The following DSCAML1 variants were observed in gnomAD, a reference collection of about 807,000 sequenced individuals.
DSCAML1 encodes the protein DS cell adhesion molecule like 1, also known as cell adhesion molecule DSCAML1.
In DSCAML1, 38 loss-of-function variants were observed where a neutral mutation model predicts 200.5. The ratio of observed to expected loss-of-function variants is 0.19; its 90% CI spans 0.15 to 0.25. The LOEUF (loss-of-function observed/expected upper bound fraction) is 0.25, where lower values mean the gene tolerates loss of function less well. Among genes scored for constraint, DSCAML1 ranks in the 10% least tolerant of loss-of-function variants. The probability of loss-of-function intolerance (pLI) is 1.00; values close to 1 mark genes in which losing one functional copy is unlikely to be tolerated. For missense variants in DSCAML1, 2,223 were observed against 2,858.8 expected (o/e 0.78, Z 5.07); for synonymous variants, 1,215 against 1,165.0 (o/e 1.04, Z -0.87).
chr11:117,464,842 G>A (rs571427481), intron 17 of DSCAML1, 100 bp downstream of exon 17: 2 of 1,529,170 alleles, frequency 1.3e-6, no homozygotes, highest in African/African-American at 2.8e-5. Flanking sequence ...ACCAAAATGG[G>A]GCCCAGGGGC....
intron 3 of DSCAML1, among the ~76,000 whole-genome samples, chr11:117,745,227 C>CA (rs1555025354): frequency 2.1e-5 from 3 of 143,426 alleles, no homozygotes; most frequent in South Asian, 2.3e-4. Context: ...CTACCTGGGG[C>CA]GGGGGTGGCT....
At chr11:117,527,281 T>A (rs536935427) in intron 4 of DSCAML1, among the ~76,000 whole-genome samples, 1 of 151,616 alleles carries the variant, frequency 6.6e-6, no homozygotes, top group South Asian at 2.1e-4. Flanking sequence ...ATAAAGGGAG[T>A]CTCCCCATCT....
intron 20 of DSCAML1, among the ~76,000 whole-genome samples, chr11:117,449,902 C>G (rs2048252542): frequency 6.6e-6 from 1 of 152,192 alleles, no homozygotes; most frequent in African/African-American, 2.4e-5. Flanking sequence ...CCCATCCTCC[C>G]TTCCCTCTCT....
intron 3 of DSCAML1, among the ~76,000 whole-genome samples, chr11:117,721,390 A>G (rs1042009910): frequency 6.6e-6 from 1 of 152,164 alleles, no homozygotes; most frequent in Non-Finnish European, 1.5e-5. Context: ...GCCAAGGGTA[A>G]TAGTCACCCC....
intron 3 of DSCAML1, among the ~76,000 whole-genome samples, chr11:117,604,268 A>G (rs139110549): frequency 7.2e-5 from 11 of 152,172 alleles, no homozygotes; most frequent in African/African-American, 2.6e-4. Flanking sequence ...GGGGGTAGAG[A>G]GGTGCCATTT....
intron 11 of DSCAML1, among the ~76,000 whole-genome samples, chr11:117,490,396 C>T (rs940987032): frequency 9.9e-5 from 15 of 152,182 alleles, no homozygotes; most frequent in Non-Finnish European, 1.9e-4. Flanking sequence ...TCACTCCCGG[C>T]ATCCACACAC....
intron 3 of DSCAML1, among the ~76,000 whole-genome samples, chr11:117,599,373 T>C (rs772903665): frequency 2.6e-5 from 4 of 152,230 alleles, no homozygotes; most frequent in African/African-American, 4.8e-5. Flanking sequence ...CTCCTAATCA[T>C]AGTTTTCAGT....
chr11:117,764,847 T>C (rs1213900581), intron 3 of DSCAML1, among the ~76,000 whole-genome samples: 1 of 152,184 alleles, frequency 6.6e-6, no homozygotes, highest in Non-Finnish European at 1.5e-5. Flanking sequence ...CACACGCTCT[T>C]AGAAGGGATT....
chr11:117,654,090 G>A (rs545968121), intron 3 of DSCAML1, among the ~76,000 whole-genome samples: 3 of 152,320 alleles, frequency 2.0e-5, no homozygotes, highest in East Asian at 1.9e-4. Context: ...GAAGTCAGAC[G>A]TGGAAGACCA....
At chr11:117,808,155 C>A (rs1055632787) in intron 1 of DSCAML1, among the ~76,000 whole-genome samples, 2 of 152,210 alleles carry the variant, frequency 1.3e-5, no homozygotes, top group African/African-American at 4.8e-5. Flanking sequence ...GAAGATACCA[C>A]AGCAAGACAG....
At chr11:117,487,072 G>A (rs1178278346) in intron 11 of DSCAML1, among the ~76,000 whole-genome samples, 1 of 151,652 alleles carries the variant, frequency 6.6e-6, no homozygotes, top group Non-Finnish European at 1.5e-5. Flanking sequence ...TTACAAGCGC[G>A]TACCACTACG....
At chr11:117,764,765 G>A (rs1172155309) in intron 3 of DSCAML1, among the ~76,000 whole-genome samples, 1 of 152,210 alleles carries the variant, frequency 6.6e-6, no homozygotes, top group Non-Finnish European at 1.5e-5. Context: ...GTAGCAGCAG[G>A]ATCTGGAACA....
chr11:117,804,014 A>G (rs2055686329), intron 1 of DSCAML1, among the ~76,000 whole-genome samples: 1 of 152,182 alleles, frequency 6.6e-6, no homozygotes, highest in Non-Finnish European at 1.5e-5. Flanking sequence ...GTGACTGGCC[A>G]CCAGCATTGT....
intron 3 of DSCAML1, among the ~76,000 whole-genome samples, chr11:117,746,885 C>T (rs2054527291): frequency 6.6e-6 from 1 of 152,220 alleles, no homozygotes; most frequent in Non-Finnish European, 1.5e-5. Flanking sequence ...CCCTGGGAAG[C>T]CTGGGCTCCC....
intron 3 of DSCAML1, among the ~76,000 whole-genome samples, chr11:117,676,462 C>T (rs970559051): frequency 2.6e-5 from 4 of 152,220 alleles, no homozygotes; most frequent in Non-Finnish European, 5.9e-5. Context: ...CTCCTCCAGT[C>T]GCCTTTCCCT....
chr11:117,676,919 G>T (rs1455308768), intron 3 of DSCAML1, among the ~76,000 whole-genome samples: 1 of 152,220 alleles, frequency 6.6e-6, no homozygotes, highest in Admixed American at 6.5e-5. Flanking sequence ...CCACGAGAAG[G>T]CTAAGTGAAG....
At position 117,480,721 on chromosome 11, in the gene DSCAML1, A is replaced by C; in HGVS notation, c.2657-150T>G. 2.4e-6 allele frequency: 2 copies of C among 838,684 alleles called. No individual in the cohort carries two copies. 52.0% of individuals were successfully genotyped at this position (838,684 alleles called of 1,614,324 possible). A position where few individuals can be genotyped will look rare whatever the true frequency, so the allele number is the denominator to read the frequency against. On this transcript the variant is annotated intron_variant, in intron 13 of 32. Coordinates refer to ENST00000651296, the MANE Select transcript of DSCAML1 (RefSeq NM_020693.4). This position sits in a 1 kb window ranked among gnomAD's most constrained non-coding sequence, Gnocchi z 4.1. ...AGGGTGGGGGCTGGAGGAGGCCAGC[A>C]GCCAGGCTTGGAGGCTGAGGAGGCC...
chr11:117,730,972 T>C (rs1404446659), intron 3 of DSCAML1, among the ~76,000 whole-genome samples: 1 of 152,110 alleles, frequency 6.6e-6, no homozygotes, highest in Non-Finnish European at 1.5e-5. Context: ...AGACACAGAT[T>C]AGTGTTTGCC....
chr11:117,536,870 C>T (rs368018393), intron 3 of DSCAML1, among the ~76,000 whole-genome samples: 2 of 152,144 alleles, frequency 1.3e-5, no homozygotes, highest in African/African-American at 2.4e-5. Context: ...TCTGTGATCT[C>T]GAGCAGGACT....
Sources: gnomAD v4.1 joint callset for allele counts (sites outside exome capture counted in the v4.1 genomes callset) on GRCh38, gnomAD v4.1.1 for gene constraint, Gnocchi (gnomAD v3.1) non-coding constraint, MANE v1.5 for transcripts, NCBI Gene and HGNC (gene_info 2026-07-23, HGNC 2026-07-21) for gene names.